Variants in PRKCA observed in about 807,000 individuals in gnomAD.
PRKCA encodes protein kinase C alpha.
In PRKCA, 27 loss-of-function variants were observed where a neutral mutation model predicts 87.0. The ratio of observed to expected loss-of-function variants is 0.31; its 90% CI spans 0.23 to 0.43. The LOEUF (loss-of-function observed/expected upper bound fraction) is 0.43. PRKCA is among the 20% of genes least tolerant of loss of function. PRKCA has a pLI of 1.00. For missense variants in PRKCA, 518 were observed against 852.3 expected (o/e 0.61, Z 4.88); for synonymous variants, 329 against 311.1 (o/e 1.06, Z -0.61).
At chr17:66,451,646 A>T (rs754984997) in intron 2 of PRKCA, among the ~76,000 whole-genome samples, 13 of 152,122 alleles carry the variant, frequency 8.5e-5, no homozygotes, top group South Asian at 2.1e-4. Flanking sequence ...TTTTCTGGTC[A>T]GGAGCCTGGA....
chr17:66,602,531 G>C (rs541412473), intron 3 of PRKCA, among the ~76,000 whole-genome samples: 2 of 152,108 alleles, frequency 1.3e-5, no homozygotes, highest in African/African-American at 4.8e-5. Context: ...CCCGTCTTCT[G>C]CGTCGCTCAC....
At chr17:66,570,500 G>A (rs1209865322) in intron 3 of PRKCA, among the ~76,000 whole-genome samples, 1 of 152,156 alleles carries the variant, frequency 6.6e-6, no homozygotes, top group African/African-American at 2.4e-5. Context: ...CAAACACCCA[G>A]GCTATTGTGC....
intron 3 of PRKCA, among the ~76,000 whole-genome samples, chr17:66,537,462 G>A (rs186311563): frequency 6.6e-6 from 1 of 152,300 alleles, no homozygotes; most frequent in East Asian, 1.9e-4. Flanking sequence ...TGAAACTGTA[G>A]TTGGGATTCT....
At chr17:66,627,342 C>T (rs1171510504) in intron 3 of PRKCA, among the ~76,000 whole-genome samples, 2 of 152,062 alleles carry the variant, frequency 1.3e-5, no homozygotes, top group African/African-American at 4.8e-5. Context: ...CTATTTTGGT[C>T]ATTATTCTTC....
At chr17:66,710,596 A>G (rs1202809359) in intron 8 of PRKCA, among the ~76,000 whole-genome samples, 1 of 152,106 alleles carries the variant, frequency 6.6e-6, no homozygotes, top group African/African-American at 2.4e-5. Context: ...GTGTTCTGGT[A>G]GCTTGAATCT....
chr17:66,803,766 C>G lies in PRKCA; in HGVS notation c.1855-107C>G. On this transcript the variant is annotated intron_variant, in intron 16 of 16. Transcript: ENST00000413366. This position sits in a 1 kb window ranked among gnomAD's most constrained non-coding sequence, Gnocchi z 4.4. ...CTCCGAGATTCCTCCTCCTAACCAG[C>G]CCGGAGTTCCCCAGGGCCGTGCCCC... 6.8e-7 allele frequency: 1 copy of G among 1,469,258 alleles called. No homozygotes were observed. The highest frequency in any genetic ancestry group is 9.1e-7 in the Non-Finnish European group (1 of 1,094,790). The allele number at this position is 1,469,258 out of a possible 1,614,324, so 91.0% of individuals were successfully genotyped here.
chr17:66,671,687 A>C (rs1972189727), intron 5 of PRKCA, among the ~76,000 whole-genome samples: 1 of 152,358 alleles, frequency 6.6e-6, no homozygotes, highest in South Asian at 2.1e-4. Flanking sequence ...TGAAAGAAAG[A>C]AAGCAGTGGA....
At chr17:66,550,746 C>T (rs989251081) in intron 3 of PRKCA, among the ~76,000 whole-genome samples, 1 of 152,166 alleles carries the variant, frequency 6.6e-6, no homozygotes, top group Non-Finnish European at 1.5e-5. Flanking sequence ...AAGCTTCCTG[C>T]CAGCATTAAA....
intron 3 of PRKCA, among the ~76,000 whole-genome samples, chr17:66,608,882 A>G (rs755037242): frequency 3.3e-5 from 5 of 152,266 alleles, no homozygotes; most frequent in Non-Finnish European, 7.3e-5. Context: ...TAATGAAAAG[A>G]CTTTTAAAAA....
intron 2 of PRKCA, among the ~76,000 whole-genome samples, chr17:66,317,602 C>T (rs1388432776): frequency 6.7e-6 from 1 of 150,040 alleles, no homozygotes; most frequent in Non-Finnish European, 1.5e-5. Flanking sequence ...AGTAGCCAAT[C>T]CCTTTTTCTC....
At chr17:66,559,213 C>A (rs1048676927) in intron 3 of PRKCA, among the ~76,000 whole-genome samples, 4 of 151,996 alleles carry the variant, frequency 2.6e-5, no homozygotes, top group African/African-American at 9.7e-5. Context: ...TGGCTCATGC[C>A]TGTAATCCTA....
chr17:66,627,431 TTAAAG>T (rs1333061017), intron 3 of PRKCA, among the ~76,000 whole-genome samples: 4 of 152,090 alleles, frequency 2.6e-5, no homozygotes, highest in African/African-American at 9.7e-5. Flanking sequence ...CTTCTGTTGT[TTAAAG>T]AAAAGGAGGG....
At position 66,530,860 on chromosome 17, in the gene PRKCA, A is replaced by C. The variant is rs959843475; in HGVS notation, c.288+34577A>C. Among the ~76,000 whole-genome samples the C allele has an allele frequency of 4.6e-5, 7 of 152,150 alleles. No individual in the cohort carries two copies. The South Asian group carries it at 8.3e-4, about 18-fold the overall frequency. ...TGGGGCAAGTGGTGGAGGATCTAAA[A>C]AAAAAATCATCTTTGTGCTCCCTAC... On this transcript the variant is annotated intron_variant, in intron 3 of 16. Transcript: ENST00000413366.
intron 3 of PRKCA, among the ~76,000 whole-genome samples, chr17:66,510,730 A>G (rs1417745964): frequency 6.6e-6 from 1 of 152,022 alleles, no homozygotes; most frequent in Non-Finnish European, 1.5e-5. Flanking sequence ...GCTGTAGGAA[A>G]GTATGTATTT....
intron 2 of PRKCA, among the ~76,000 whole-genome samples, chr17:66,494,825 T>A (rs111854838): frequency 0.014 from 2,110 of 152,210 alleles, 44 homozygotes; most frequent in African/African-American, 0.048. Context: ...CAGGGGGACA[T>A]GTGCAGTAGC....
intron 8 of PRKCA, among the ~76,000 whole-genome samples, chr17:66,730,819 G>T (rs1310546091): frequency 6.6e-6 from 1 of 152,218 alleles, no homozygotes; most frequent in Non-Finnish European, 1.5e-5. Context: ...GGCTCCCCAA[G>T]AGAGCACAAG....
chr17:66,642,075 T>C (rs1392415471), intron 4 of PRKCA, among the ~76,000 whole-genome samples: 1 of 152,094 alleles, frequency 6.6e-6, no homozygotes, highest in Non-Finnish European at 1.5e-5. Flanking sequence ...GTTACGTGTG[T>C]ATCTCCATCA....
At chr17:66,321,838 T>C (rs1905687796) in intron 2 of PRKCA, among the ~76,000 whole-genome samples, 1 of 152,024 alleles carries the variant, frequency 6.6e-6, no homozygotes, top group African/African-American at 2.4e-5. Flanking sequence ...AGCTAACTTG[T>C]CTTAAAAAAA....
Position 66,659,521 on chromosome 17 carries a change from C to T in PRKCA, c.529+14010C>T, listed in dbSNP as rs145829974. On this transcript the variant is annotated intron_variant, in intron 5 of 16. Transcript: ENST00000413366. ...CTTGAGGCCAGAAGTTCAAGACCAT[C>T]CTGGGCAACAGAACAAGACCTTGTC... Among the ~76,000 whole-genome samples the T allele has an allele frequency of 2.2e-4, 34 of 152,078 alleles. No homozygotes were observed. The East Asian group carries it at 6.2e-3, about 28-fold the overall frequency.
Sources: gnomAD v4.1 joint callset for allele counts (sites outside exome capture counted in the v4.1 genomes callset) on GRCh38, gnomAD v4.1.1 for gene constraint, Gnocchi (gnomAD v3.1) non-coding constraint, MANE v1.5 for transcripts, NCBI Gene and HGNC (gene_info 2026-07-23, HGNC 2026-07-21) for gene names.